Variants in R3HDM2 observed in about 807,000 individuals in gnomAD.
R3HDM2 encodes the protein R3H domain-containing protein 2.
Under a neutral mutation model 124.5 loss-of-function variants are expected in R3HDM2, and 38 were observed. The observed-to-expected ratio is 0.31, with a 90% confidence interval of 0.24 to 0.40. The LOEUF (loss-of-function observed/expected upper bound fraction) is 0.40, where lower values mean the gene tolerates loss of function less well. Among genes scored for constraint, R3HDM2 ranks in the 10% least tolerant of loss-of-function variants. The pLI is 1.00. For synonymous variants in R3HDM2, 391 were observed against 448.0 expected (o/e 0.87, Z 1.61); for missense variants, 869 against 1,236.9 (o/e 0.70, Z 4.46).
intron 1 of R3HDM2, among the ~76,000 whole-genome samples, chr12:57,403,566 T>C (rs930619717): frequency 1.8e-4 from 27 of 152,130 alleles, no homozygotes; most frequent in African/African-American, 5.8e-4. Context: ...TCCAGCACTT[T>C]GGGAGACAGG....
At chr12:57,326,866 A>G (rs549375174) in intron 2 of R3HDM2, among the ~76,000 whole-genome samples, 1 of 152,312 alleles carries the variant, frequency 6.6e-6, no homozygotes, top group South Asian at 2.1e-4. Context: ...TGGCCTTAAG[A>G]ATTATGCCAA....
chr12:57,364,602 C>T (rs955689389), intron 2 of R3HDM2, among the ~76,000 whole-genome samples: 2 of 152,108 alleles, frequency 1.3e-5, no homozygotes, highest in African/African-American at 4.8e-5. Context: ...ATGATCTTTG[C>T]TTGGTACACG....
intron 2 of R3HDM2, among the ~76,000 whole-genome samples, chr12:57,318,665 A>C (rs2055712053): frequency 6.6e-6 from 1 of 152,130 alleles, no homozygotes; most frequent in African/African-American, 2.4e-5. Context: ...AAAAGAAAGA[A>C]AAGAAAAAAG....
intron 1 of R3HDM2, among the ~76,000 whole-genome samples, chr12:57,407,872 C>T (rs931205707): frequency 2.6e-5 from 4 of 152,130 alleles, no homozygotes; most frequent in Non-Finnish European, 5.9e-5. Flanking sequence ...TCAAACAATC[C>T]TCTCAGCTCA....
At chr12:57,283,056 GAGCTC>G (rs2046545940) in intron 13 of R3HDM2, among the ~76,000 whole-genome samples, 1 of 152,202 alleles carries the variant, frequency 6.6e-6, no homozygotes, top group South Asian at 2.1e-4. Flanking sequence ...TCCAGTGACT[GAGCTC>G]CAGAGAAGCA....
chr12:57,419,721 T>G (rs778374716), intron 1 of R3HDM2, among the ~76,000 whole-genome samples: 5 of 152,042 alleles, frequency 3.3e-5, no homozygotes, highest in Non-Finnish European at 7.4e-5. Context: ...GGATTACAGG[T>G]GTAAGCCACC....
chr12:57,398,008 C>A (rs1411420507), intron 1 of R3HDM2, among the ~76,000 whole-genome samples: 1 of 151,914 alleles, frequency 6.6e-6, no homozygotes, highest in East Asian at 1.9e-4. Context: ...ACAGTGAAAC[C>A]CCGTCTCTAC....
At chr12:57,349,945 G>A (rs1231220318) in intron 2 of R3HDM2, among the ~76,000 whole-genome samples, 2 of 151,812 alleles carry the variant, frequency 1.3e-5, no homozygotes, top group Non-Finnish European at 2.9e-5. Context: ...GGGCACAATG[G>A]CTCACGCCTG....
At chr12:57,423,214 G>A (rs1485477504) in intron 1 of R3HDM2, among the ~76,000 whole-genome samples, 2 of 152,076 alleles carry the variant, frequency 1.3e-5, no homozygotes, top group Non-Finnish European at 2.9e-5. Context: ...CTAAGGTCAG[G>A]AGTTCAAGAC....
intron 1 of R3HDM2, among the ~76,000 whole-genome samples, chr12:57,419,623 T>C (rs190427668): frequency 3.9e-5 from 6 of 152,118 alleles, no homozygotes; most frequent in African/African-American, 1.2e-4. Flanking sequence ...TAACTTCTGG[T>C]AGAGGTGGGT....
At chr12:57,390,973 C>G (rs2066589376) in intron 2 of R3HDM2, among the ~76,000 whole-genome samples, 1 of 150,914 alleles carries the variant, frequency 6.6e-6, no homozygotes, top group African/African-American at 2.4e-5. Context: ...GATCATGCCA[C>G]TGCACTCCAG....
At position 57,334,168 on chromosome 12, in the gene R3HDM2, A is replaced by G. The variant is rs868472132; in HGVS notation, c.-35-23705T>C. 2.0e-5 allele frequency among the ~76,000 whole-genome samples: 3 copies of G among 152,254 alleles called. No individual in the cohort carries two copies. In the South Asian group the frequency reaches 6.2e-4, roughly 32 times the overall value. ...GCTGCAGTAGCAGCTCAATTCACAG[A>G]TAGGTGGTAGGTATTTCCCACCATA... On this transcript the variant is annotated intron_variant, in intron 2 of 23. Coordinates refer to ENST00000402412, the MANE Select transcript of R3HDM2 (RefSeq NM_001394031.1).
chr12:57,373,997 G>A (rs543889861), intron 2 of R3HDM2, among the ~76,000 whole-genome samples: 45 of 150,962 alleles, frequency 3.0e-4, no homozygotes, highest in East Asian at 2.4e-3. Flanking sequence ...GGGTGGTGAC[G>A]GGCACCTGTA....
At chr12:57,366,449 G>A (rs1185821797) in intron 2 of R3HDM2, among the ~76,000 whole-genome samples, 2 of 152,112 alleles carry the variant, frequency 1.3e-5, no homozygotes, top group African/African-American at 2.4e-5. Flanking sequence ...AGACACTGCA[G>A]TTTTCGTTTT....
intron 13 of R3HDM2, 80 bp from the exon 14 acceptor site, chr12:57,280,610 T>C (rs2045895151): frequency 7.7e-7 from 1 of 1,304,536 alleles, no homozygotes; most frequent in East Asian, 2.6e-5. Flanking sequence ...GTCAGAGGGC[T>C]CTACTTTTTC....
intron 2 of R3HDM2, among the ~76,000 whole-genome samples, chr12:57,319,419 T>C (rs914719523): frequency 3.9e-5 from 6 of 152,150 alleles, no homozygotes; most frequent in Admixed American, 1.3e-4. Context: ...CCTGCTTGTA[T>C]ACCTCTTAGT....
chr12:57,254,973 C>T lies in R3HDM2; in HGVS notation c.2773G>A (p.Gly925Arg), dbSNP rs777878496. 1.1e-5 allele frequency: 17 copies of T among 1,614,024 alleles called. No individual in the cohort carries two copies. Among genetic ancestry groups the T allele is most frequent in the South Asian group, 5.5e-5 (5 of 91,084 alleles). Reference sequence around the variant, plus strand: ...TCAGCAGTCCCACTGTTGTCCCCCCCACCCCCTCCAGGCAGCCCCTGAGCA... The same window carrying T: ...TCAGCAGTCCCACTGTTGTCCCCCCTACCCCCTCCAGGCAGCCCCTGAGCA... ...KDAQGLPGGG[G>R]GDNSGTAENG... Residue 925 changes from glycine (G) to arginine (R), a missense_variant, in exon 24 of 24, where the codon GGG becomes AGG. By Grantham distance (125) the Gly-to-Arg change is moderately radical. Coordinates refer to ENST00000402412, the MANE Select transcript of R3HDM2 (RefSeq NM_001394031.1).
chr12:57,404,703 C>G (rs1354582050), intron 1 of R3HDM2, among the ~76,000 whole-genome samples: 1 of 151,620 alleles, frequency 6.6e-6, no homozygotes, highest in African/African-American at 2.4e-5. Context: ...TGTCTCAAAA[C>G]AAAAACAAAC....
chr12:57,371,819 C>T (rs553644034), intron 2 of R3HDM2, among the ~76,000 whole-genome samples: 1 of 152,320 alleles, frequency 6.6e-6, no homozygotes, highest in East Asian at 1.9e-4. Context: ...TAACAGTAAT[C>T]CAAAAGTCCG....
Sources: gnomAD v4.1 joint callset for allele counts (sites outside exome capture counted in the v4.1 genomes callset) on GRCh38, gnomAD v4.1.1 for gene constraint, MANE v1.5 for transcripts, NCBI Gene and HGNC (gene_info 2026-07-23, HGNC 2026-07-21) for gene names.